The following VAV2 variants were observed in gnomAD, a reference collection of about 807,000 sequenced individuals.
The protein encoded by VAV2 is guanine nucleotide exchange factor VAV2.
VAV2 carries 67 observed loss-of-function variants against 132.5 expected under a neutral mutation model. That is an observed-to-expected ratio of 0.51 (90% confidence interval 0.42 to 0.62). The LOEUF is 0.62. Ranked by LOEUF, VAV2 falls within the 20% of genes least tolerant of loss-of-function variation. VAV2 has a pLI of 0.00. For synonymous variants in VAV2, 492 were observed against 443.5 expected, an observed-to-expected ratio of 1.11 and a Z score of -1.37; for missense variants, 938 against 1,153.6, an observed-to-expected ratio of 0.81 and a Z score of 2.71.
chr9:133,927,463 C>T (rs867124553), intron 2 of VAV2, among the ~76,000 whole-genome samples: 9 of 152,198 alleles, frequency 5.9e-5, no homozygotes, highest in African/African-American at 1.4e-4. Flanking sequence ...CCCGATTCCA[C>T]GGGGCAGTCT....
At chr9:133,917,803 A>G (rs1332880442) in intron 2 of VAV2, among the ~76,000 whole-genome samples, 1 of 152,188 alleles carries the variant, frequency 6.6e-6, no homozygotes, top group Non-Finnish European at 1.5e-5. Context: ...CCAGAGAGAG[A>G]ACCCTGTGGA....
chr9:133,946,798 T>C (rs1039147692), intron 1 of VAV2, among the ~76,000 whole-genome samples: 1 of 152,232 alleles, frequency 6.6e-6, no homozygotes, highest in African/African-American at 2.4e-5. Context: ...TTGATTACTA[T>C]TCAACAGATG....
intron 1 of VAV2, among the ~76,000 whole-genome samples, chr9:133,976,765 T>C (rs1292796370): frequency 6.6e-6 from 1 of 152,234 alleles, no homozygotes; most frequent in Non-Finnish European, 1.5e-5. Context: ...CTTCCCCGCC[T>C]TAGCATTCCA....
rs571473665 is a variant in VAV2, at chr9:133,979,393, C to T, written c.204+12682G>A. 2.2e-4 allele frequency among the ~76,000 whole-genome samples: 34 copies of T among 152,270 alleles called. No homozygotes were observed. The South Asian group carries it at 6.6e-3, about 30-fold the overall frequency. On this transcript the variant is annotated intron_variant, in intron 1 of 29. Coordinates refer to ENST00000371850, the MANE Select transcript of VAV2 (RefSeq NM_001134398.2). ...TGCGGTCTCCACCCTAGGAATGTGTCGGCCGCTCAGTGCCCAACCACACAC... is the reference window on the plus strand; with the variant it reads ...TGCGGTCTCCACCCTAGGAATGTGTTGGCCGCTCAGTGCCCAACCACACAC...
At chr9:133,972,098 A>G (rs1490571709) in intron 1 of VAV2, among the ~76,000 whole-genome samples, 1 of 152,088 alleles carries the variant, frequency 6.6e-6, no homozygotes, top group Non-Finnish European at 1.5e-5. Flanking sequence ...ATAGCCACAC[A>G]CACCCACACA....
chr9:133,846,655 T>A (rs1836947822), intron 3 of VAV2, among the ~76,000 whole-genome samples: 1 of 152,114 alleles, frequency 6.6e-6, no homozygotes, highest in Admixed American at 6.5e-5. Flanking sequence ...CCCATGGCCA[T>A]CAGGGCCCAG....
intron 2 of VAV2, among the ~76,000 whole-genome samples, chr9:133,882,177 G>C (rs1206388453): frequency 6.6e-6 from 1 of 152,246 alleles, no homozygotes; most frequent in African/African-American, 2.4e-5. Flanking sequence ...GGAGATTCCA[G>C]GGCAGGAAGC....
At chr9:133,791,017 A>T (rs903968770) in intron 13 of VAV2, among the ~76,000 whole-genome samples, 1 of 152,148 alleles carries the variant, frequency 6.6e-6, no homozygotes, top group African/African-American at 2.4e-5. Context: ...GGTGGGTGGC[A>T]GGCAGGTACA....
chr9:133,907,284 C>A (rs993180705), intron 2 of VAV2, among the ~76,000 whole-genome samples: 1 of 152,222 alleles, frequency 6.6e-6, no homozygotes, highest in Non-Finnish European at 1.5e-5. Flanking sequence ...AACAAGCCCA[C>A]CAGGCCAGCT....
chr9:133,922,212 A>G (rs1371718770), intron 2 of VAV2, among the ~76,000 whole-genome samples: 1 of 152,236 alleles, frequency 6.6e-6, no homozygotes, highest in African/African-American at 2.4e-5. Flanking sequence ...TAGGAGAAGG[A>G]ACCCTGCCCT....
rs546315160 is a variant in VAV2, at chr9:133,971,830, A to G, written c.204+20245T>C. 2.0e-5 allele frequency among the ~76,000 whole-genome samples: 3 copies of G among 152,218 alleles called. No homozygotes were observed. In the East Asian group the frequency reaches 5.8e-4, roughly 29 times the overall value. ...AGGCGGCCAGGGCTTCCCCCAACAG[A>G]AAGGGCAACTCCTGGTCCAACAGCA... On this transcript the variant is annotated intron_variant, in intron 1 of 29. Transcript: ENST00000371850.
intron 17 of VAV2, among the ~76,000 whole-genome samples, chr9:133,784,714 T>C (rs1045667768): frequency 1.3e-5 from 2 of 152,168 alleles, no homozygotes; most frequent in African/African-American, 4.8e-5. Flanking sequence ...CAGGTGTGGG[T>C]ATTTGTTAAA....
At chr9:133,799,047 C>G (rs1043823838) in intron 9 of VAV2, among the ~76,000 whole-genome samples, 2 of 152,210 alleles carry the variant, frequency 1.3e-5, no homozygotes, top group Non-Finnish European at 2.9e-5. Context: ...GGGCTCGGGG[C>G]GGGCAGCTGG....
chr9:133,971,670 G>A (rs941637141), intron 1 of VAV2, among the ~76,000 whole-genome samples: 3 of 152,224 alleles, frequency 2.0e-5, no homozygotes, highest in Non-Finnish European at 4.4e-5. Context: ...GGCCAGCGTG[G>A]GAAGGAGCAG....
chr9:133,876,544 C>T (rs922804348), intron 2 of VAV2, among the ~76,000 whole-genome samples: 30 of 152,234 alleles, frequency 2.0e-4, no homozygotes, highest in Non-Finnish European at 1.0e-4. Context: ...GACCAAAGAG[C>T]GGAGGCCTGT....
Position 133,851,110 on chromosome 9 carries a change from C to T in VAV2, c.380+10264G>A, listed in dbSNP as rs540484541. On this transcript the variant is annotated intron_variant, in intron 3 of 29. Coordinates refer to ENST00000371850, the MANE Select transcript of VAV2 (RefSeq NM_001134398.2). ...GGACAGTCATGCCCCTGGGGCTCTG[C>T]GGGCTTTAGGGGATTCCTGAGTTCC... Among the ~76,000 whole-genome samples, 8 of 152,350 alleles carry T rather than the reference C, an allele frequency of 5.3e-5. No individual in the cohort carries two copies. In the South Asian group the frequency reaches 1.2e-3, roughly 24 times the overall value.
chr9:133,916,985 G>A (rs1319920415), intron 2 of VAV2, among the ~76,000 whole-genome samples: 3 of 152,128 alleles, frequency 2.0e-5, no homozygotes, highest in African/African-American at 4.8e-5. Context: ...GGAGCTTTGG[G>A]AACACTCAGC....
intron 2 of VAV2, among the ~76,000 whole-genome samples, chr9:133,915,992 A>G (rs574460471): frequency 2.2e-4 from 34 of 151,808 alleles, no homozygotes; most frequent in Non-Finnish European, 3.2e-4. Context: ...CGATGCACAC[A>G]TGATATACAT....
intron 2 of VAV2, among the ~76,000 whole-genome samples, chr9:133,890,475 G>C (rs1838888839): frequency 6.6e-6 from 1 of 152,136 alleles, no homozygotes; most frequent in African/African-American, 2.4e-5. Context: ...AAAGTGCCGA[G>C]GGTCAAGGGG....
Sources: gnomAD v4.1 joint callset for allele counts (sites outside exome capture counted in the v4.1 genomes callset) on GRCh38, gnomAD v4.1.1 for gene constraint, MANE v1.5 for transcripts, NCBI Gene and HGNC (gene_info 2026-07-23, HGNC 2026-07-21) for gene names.